KLHL32: variants seen among roughly 807,000 people sequenced by gnomAD.
KLHL32 encodes the protein kelch-like protein 32.
In KLHL32, 35 loss-of-function variants were observed where a neutral mutation model predicts 64.8. That is an observed-to-expected ratio of 0.54 (90% CI 0.41 to 0.72). KLHL32 has a LOEUF of 0.72. KLHL32 is among the 30% of genes least tolerant of loss of function. The pLI is 0.00. For synonymous variants in KLHL32, 259 were observed against 281.0 expected, an observed-to-expected ratio of 0.92 and a Z score of 0.78; for missense variants, 589 against 768.5, an observed-to-expected ratio of 0.77 and a Z score of 2.76.
intron 6 of KLHL32, among the ~76,000 whole-genome samples, chr6:97,112,588 A>G (rs1046845683): frequency 2.0e-5 from 3 of 151,942 alleles, no homozygotes; most frequent in Non-Finnish European, 4.4e-5. Flanking sequence ...CTGGGACTAC[A>G]GGCACGTGCC....
At chr6:97,128,629 G>A (rs1005093205) in intron 8 of KLHL32, among the ~76,000 whole-genome samples, 2 of 152,184 alleles carry the variant, frequency 1.3e-5, no homozygotes, top group Admixed American at 6.5e-5. Context: ...GTGGAGAGTC[G>A]ATAATGCCTG....
At chr6:97,106,175 T>C (rs1796382595) in intron 6 of KLHL32, among the ~76,000 whole-genome samples, 1 of 152,216 alleles carries the variant, frequency 6.6e-6, no homozygotes, top group East Asian at 1.9e-4. Context: ...AATCACAATA[T>C]GAGGACTTGA....
chr6:96,901,166 A>T, the KLHL32 span, among the ~76,000 whole-genome samples: 1 of 152,194 alleles, frequency 6.6e-6, no homozygotes, highest in African/African-American at 2.4e-5. Context: ...GACTTTTGTC[A>T]TTGTATTCAT....
chr6:97,110,174 C>G (rs1796932589), intron 6 of KLHL32, among the ~76,000 whole-genome samples: 1 of 152,148 alleles, frequency 6.6e-6, no homozygotes, highest in African/African-American at 2.4e-5. Context: ...CCATATCACT[C>G]ATTTCTTTTG....
At chr6:97,109,449 G>A (rs1287630629) in intron 6 of KLHL32, among the ~76,000 whole-genome samples, 1 of 152,192 alleles carries the variant, frequency 6.6e-6, no homozygotes, top group African/African-American at 2.4e-5. Context: ...AACACAGAAA[G>A]CATCATGACA....
chr6:97,053,536 A>C (rs1430463656), intron 4 of KLHL32, among the ~76,000 whole-genome samples: 1 of 152,110 alleles, frequency 6.6e-6, no homozygotes, highest in South Asian at 2.1e-4. Context: ...TAATAAGACT[A>C]AAAGTAAAAA....
chr6:97,088,775 A>T (rs1475429775), intron 6 of KLHL32, among the ~76,000 whole-genome samples: 3 of 152,220 alleles, frequency 2.0e-5, no homozygotes, highest in Non-Finnish European at 4.4e-5. Context: ...GCAATTCTTC[A>T]TAAAAAAAAC....
intron 3 of KLHL32, among the ~76,000 whole-genome samples, chr6:96,978,418 G>A (rs1775942477): frequency 6.6e-6 from 1 of 152,126 alleles, no homozygotes; most frequent in African/African-American, 2.4e-5. Context: ...TCCCATGTTA[G>A]TTAGCTTAGA....
At chr6:96,967,247 T>C (rs1774556302) in intron 2 of KLHL32, among the ~76,000 whole-genome samples, 164 bp downstream of exon 2, 2 of 152,214 alleles carry the variant, frequency 1.3e-5, no homozygotes, top group Non-Finnish European at 2.9e-5. Flanking sequence ...AAGGACTAAC[T>C]GCTGTGACCT....
intron 3 of KLHL32, among the ~76,000 whole-genome samples, chr6:97,025,876 C>A (rs1388455143): frequency 6.6e-6 from 1 of 152,154 alleles, no homozygotes; most frequent in Non-Finnish European, 1.5e-5. Context: ...AAGTAGGACT[C>A]TGACACAGGG....
rs532454212 is a variant in KLHL32 at position 97,039,367 on chromosome 6, G to A, written c.205-2125G>A. Among the ~76,000 whole-genome samples, 16 of 152,250 alleles carry A rather than the reference G, an allele frequency of 1.1e-4. No homozygotes were observed. In the East Asian group the frequency reaches 1.9e-3, roughly 18 times the overall value. ...TCATGAAGACATAGAGTAGATTGGT[G>A]GTTACCCTACCCAGTAGGCTGGGAA... On this transcript the variant is annotated intron_variant, in intron 3 of 10. Coordinates refer to ENST00000369261, the MANE Select transcript of KLHL32 (RefSeq NM_052904.4).
rs187070401 is a variant in KLHL32, at chr6:96,926,440, C to G, written c.-66+1414C>G. ...CAGTGTAGAAAGCACTTTTCATATA[C>G]TTCTTTTTTAATCCTCACAACAACC... On this transcript the variant is annotated intron_variant, in intron 1 of 10. Transcript: ENST00000369261. 1.2e-3 allele frequency among the ~76,000 whole-genome samples: 179 copies of G among 152,302 alleles called. 1 individual carries two copies. Among genetic ancestry groups the G allele is most frequent in the African/African-American group, 4.2e-3 (173 of 41,552 alleles).
At chr6:96,971,780 C>T (rs1329261149) in intron 2 of KLHL32, among the ~76,000 whole-genome samples, 4 of 151,990 alleles carry the variant, frequency 2.6e-5, no homozygotes, top group Non-Finnish European at 4.4e-5. Flanking sequence ...ATAGAGTATC[C>T]AATAGAACCA....
intron 1 of KLHL32, among the ~76,000 whole-genome samples, chr6:96,964,402 G>A (rs1260636507): frequency 6.6e-6 from 1 of 152,324 alleles, no homozygotes; most frequent in East Asian, 1.9e-4. Context: ...GCCTGTAATG[G>A]CAGCGCTTTG....
At chr6:96,987,173 T>C (rs1272145943) in intron 3 of KLHL32, among the ~76,000 whole-genome samples, 3 of 152,252 alleles carry the variant, frequency 2.0e-5, no homozygotes, top group African/African-American at 4.8e-5. Context: ...CCTGGATTCA[T>C]TGATTTTTTG....
intron 3 of KLHL32, among the ~76,000 whole-genome samples, chr6:97,009,796 AGG>A (rs1780137582): frequency 6.6e-6 from 1 of 152,200 alleles, no homozygotes; most frequent in Non-Finnish European, 1.5e-5. Context: ...AAAGCACGTG[AGG>A]GTCTTCTTAA....
intron 4 of KLHL32, among the ~76,000 whole-genome samples, chr6:97,046,758 T>G (rs895746810): frequency 6.6e-6 from 1 of 152,224 alleles, no homozygotes; most frequent in Non-Finnish European, 1.5e-5. Flanking sequence ...GACATTAACA[T>G]TAAGCAAAAA....
chr6:97,036,541 C>T (rs1169068664), intron 3 of KLHL32, among the ~76,000 whole-genome samples: 1 of 152,076 alleles, frequency 6.6e-6, no homozygotes, highest in Non-Finnish European at 1.5e-5. Flanking sequence ...TGTGATGATA[C>T]CTGAGGTGTG....
chr6:96,953,641 A>G (rs1299319970), intron 1 of KLHL32, among the ~76,000 whole-genome samples: 1 of 152,010 alleles, frequency 6.6e-6, no homozygotes, highest in Non-Finnish European at 1.5e-5. Context: ...AAAAAAAAAA[A>G]GAAAATTTAG....
Sources: gnomAD v4.1 joint callset for allele counts (sites outside exome capture counted in the v4.1 genomes callset) on GRCh38, gnomAD v4.1.1 for gene constraint, MANE v1.5 for transcripts, NCBI Gene and HGNC (gene_info 2026-07-23, HGNC 2026-07-21) for gene names.